Variants in THRB observed in about 807,000 individuals in gnomAD.
The protein encoded by THRB is nuclear receptor subfamily 1 group A member 2.
Under a neutral mutation model 47.8 loss-of-function variants are expected in THRB, and 12 were observed. That is an observed-to-expected ratio of 0.25 (90% CI 0.16 to 0.41). The LOEUF is 0.41. THRB is among the 10% of genes least tolerant of loss of function. THRB has a pLI of 1.00. For synonymous variants in THRB, 218 were observed against 212.2 expected, an observed-to-expected ratio of 1.03 and a Z score of -0.24; for missense variants, 348 against 589.2, an observed-to-expected ratio of 0.59 and a Z score of 4.24.
chr3:24,483,104 A>G (rs1417510970), intron 1 of THRB, among the ~76,000 whole-genome samples: 2 of 152,160 alleles, frequency 1.3e-5, no homozygotes, highest in Non-Finnish European at 2.9e-5. Context: ...TCAAAAAGGT[A>G]AAATATGCAT....
chr3:24,169,043 C>T (rs984125210), intron 5 of THRB, among the ~76,000 whole-genome samples: 2 of 152,036 alleles, frequency 1.3e-5, no homozygotes, highest in African/African-American at 2.4e-5. Flanking sequence ...CAAAAATACA[C>T]ATAAAGAAAG....
intron 3 of THRB, among the ~76,000 whole-genome samples, chr3:24,261,768 C>G (rs1406808227): frequency 2.0e-5 from 3 of 152,178 alleles, no homozygotes; most frequent in Non-Finnish European, 4.4e-5. Flanking sequence ...GACCTATCAG[C>G]AACACTTGAT....
At chr3:24,366,621 CT>C (rs11389687) in intron 1 of THRB, among the ~76,000 whole-genome samples, 30,670 of 125,354 alleles carry the variant, frequency 0.24, 2,701 homozygotes, top group African/African-American at 0.36. Flanking sequence ...CAGCCTCTCA[CT>C]TTTTTTTTTT....
chr3:24,349,462 T>C (rs544625928), intron 1 of THRB, among the ~76,000 whole-genome samples: 2 of 152,202 alleles, frequency 1.3e-5, no homozygotes, highest in African/African-American at 4.8e-5. Context: ...GGATTATAAA[T>C]CTACATTAAT....
At chr3:24,457,479 T>C (rs559216946) in intron 1 of THRB, among the ~76,000 whole-genome samples, 2 of 152,292 alleles carry the variant, frequency 1.3e-5, no homozygotes, top group South Asian at 2.1e-4. Context: ...TCTTCCTAAA[T>C]AAGAAAATAC....
At chr3:24,242,553 T>G (rs1180951725) in intron 3 of THRB, among the ~76,000 whole-genome samples, 1 of 152,182 alleles carries the variant, frequency 6.6e-6, no homozygotes. Flanking sequence ...CGGTGCTCAC[T>G]TTGAGCCATT....
intron 1 of THRB, among the ~76,000 whole-genome samples, chr3:24,431,510 G>A (rs2070418871): frequency 6.6e-6 from 1 of 152,068 alleles, no homozygotes; most frequent in South Asian, 2.1e-4. Flanking sequence ...AGGATGTGGA[G>A]CAAAAAGAAG....
At chr3:24,362,084 C>A (rs1015438510) in intron 1 of THRB, among the ~76,000 whole-genome samples, 10 of 152,100 alleles carry the variant, frequency 6.6e-5, no homozygotes, top group African/African-American at 2.4e-4. Flanking sequence ...AAACACCTTA[C>A]GTATTATATC....
intron 1 of THRB, among the ~76,000 whole-genome samples, chr3:24,396,376 G>A (rs530889486): frequency 1.0e-3 from 81 of 79,372 alleles, no homozygotes; most frequent in African/African-American, 3.2e-3. Context: ...TTTGGCCAAC[G>A]GTGAAAACAC....
At chr3:24,193,636 A>G (rs575107262) in intron 4 of THRB, among the ~76,000 whole-genome samples, 1 of 152,094 alleles carries the variant, frequency 6.6e-6, no homozygotes, top group East Asian at 1.9e-4. Context: ...GTAAATAAGT[A>G]TTTACTCAGA....
Position 24,362,880 on chromosome 3 carries a change from C to T in THRB, c.-260-25509G>A, listed in dbSNP as rs561820758. On this transcript the variant is annotated intron_variant, in intron 1 of 10. Transcript: ENST00000646209. ...CATGTATAATAACATTTGTGACCTG[C>T]CTTGTTATTTTAACACTTCGGGCCT... Among the ~76,000 whole-genome samples the T allele has an allele frequency of 2.0e-5, 3 of 152,138 alleles. No homozygotes were observed. In the South Asian group the frequency reaches 6.3e-4, roughly 32 times the overall value.
chr3:24,154,612 G>A (rs2037516309), intron 5 of THRB, among the ~76,000 whole-genome samples: 1 of 152,214 alleles, frequency 6.6e-6, no homozygotes, highest in Non-Finnish European at 1.5e-5. Flanking sequence ...ACAGTCACAA[G>A]TGTTGGTAAG....
intron 4 of THRB, among the ~76,000 whole-genome samples, chr3:24,203,636 C>T (rs1405012631): frequency 6.6e-6 from 1 of 152,166 alleles, no homozygotes; most frequent in Admixed American, 6.5e-5. Context: ...GTTCATCTCA[C>T]TGGGGCTTTT....
chr3:24,420,052 T>C (rs973996867), intron 1 of THRB, among the ~76,000 whole-genome samples: 1 of 151,908 alleles, frequency 6.6e-6, no homozygotes, highest in Admixed American at 6.6e-5. Context: ...AACTTATTTA[T>C]CTTGCAGAGT....
chr3:24,228,900 T>C (rs2047968857), intron 4 of THRB, 38 bp downstream of exon 4: 1 of 1,586,970 alleles, frequency 6.3e-7, no homozygotes, highest in East Asian at 2.2e-5. Flanking sequence ...GGAACAAAAA[T>C]GGAGGCACAC....
At chr3:24,287,182 C>T (rs1043752571) in intron 3 of THRB, among the ~76,000 whole-genome samples, 1 of 152,118 alleles carries the variant, frequency 6.6e-6, no homozygotes, top group Non-Finnish European at 1.5e-5. Context: ...CTTTCCTTTG[C>T]CACTGAATAA....
intron 5 of THRB, among the ~76,000 whole-genome samples, chr3:24,163,330 C>A (rs2039162678): frequency 6.6e-6 from 1 of 152,128 alleles, no homozygotes; most frequent in Non-Finnish European, 1.5e-5. Flanking sequence ...TCAATATATG[C>A]ATACAATGTG....
intron 3 of THRB, among the ~76,000 whole-genome samples, chr3:24,273,893 C>T (rs2053617748): frequency 6.6e-6 from 1 of 150,950 alleles, no homozygotes; most frequent in African/African-American, 2.4e-5. Context: ...CTTTTTGAAT[C>T]TACCAACCAT....
intron 1 of THRB, among the ~76,000 whole-genome samples, chr3:24,398,778 C>T (rs1433558369): frequency 3.3e-5 from 5 of 152,086 alleles, no homozygotes; most frequent in East Asian, 1.9e-4. Flanking sequence ...CACATGCACA[C>T]GTAAGTTTAT....
Sources: gnomAD v4.1 joint callset for allele counts (sites outside exome capture counted in the v4.1 genomes callset) on GRCh38, gnomAD v4.1.1 for gene constraint, MANE v1.5 for transcripts, NCBI Gene and HGNC (gene_info 2026-07-23, HGNC 2026-07-21) for gene names.